QTMAN: variants seen among roughly 807,000 people sequenced by gnomAD.
The protein encoded by QTMAN is queuosine-tRNA mannosyltransferase.
the QTMAN span, among the ~76,000 whole-genome samples, chr2:144,133,450 AT>A: frequency 1.3e-4 from 8 of 63,160 alleles, no homozygotes; most frequent in Non-Finnish European, 1.8e-4. Context: ...ATAATATATA[AT>A]ATATAATATA....
chr2:144,099,941 CTG>C, the QTMAN span, among the ~76,000 whole-genome samples: 1 of 152,204 alleles, frequency 6.6e-6, no homozygotes, highest in African/African-American at 2.4e-5. Context: ...GACTCAGCTG[CTG>C]TTATTAGTCA....
the QTMAN span, among the ~76,000 whole-genome samples, chr2:144,010,086 A>T: frequency 1.3e-5 from 2 of 151,958 alleles, no homozygotes; most frequent in African/African-American, 2.4e-5. Context: ...AAAGAAAAAA[A>T]AAATCTATGG....
chr2:144,194,617 C>T, the QTMAN span, among the ~76,000 whole-genome samples: 4 of 152,156 alleles, frequency 2.6e-5, no homozygotes, highest in Admixed American at 2.6e-4. Flanking sequence ...AGAACAAATA[C>T]ATTAGTCGGT....
chr2:144,046,710 TGAGTA>T, the QTMAN span, among the ~76,000 whole-genome samples: 1 of 152,222 alleles, frequency 6.6e-6, no homozygotes, highest in Non-Finnish European at 1.5e-5. Context: ...AATTCCACAT[TGAGTA>T]GAGCAGTTTT....
the QTMAN span, among the ~76,000 whole-genome samples, chr2:144,300,983 T>C: frequency 1.3e-5 from 2 of 152,142 alleles, no homozygotes; most frequent in African/African-American, 4.8e-5. Flanking sequence ...TTCAATTATA[T>C]AGCATTTAAT....
the QTMAN span, chr2:143,941,676 CAAA>C: frequency 9.0e-5 from 9 of 100,404 alleles, no homozygotes; most frequent in East Asian, 3.0e-4. Context: ...CTCTCTCTCT[CAAA>C]AAAAAAAAAA....
the QTMAN span, among the ~76,000 whole-genome samples, chr2:144,045,326 A>T: frequency 6.6e-6 from 1 of 152,252 alleles, no homozygotes. Context: ...ACCTACATTT[A>T]ACCTTCGCAG....
At chr2:144,107,070 C>T in the QTMAN span, among the ~76,000 whole-genome samples, 1 of 152,114 alleles carries the variant, frequency 6.6e-6, no homozygotes, top group Non-Finnish European at 1.5e-5. Context: ...AGAACAAAGA[C>T]ACAACATACC....
At chr2:144,187,026 G>GA in the QTMAN span, among the ~76,000 whole-genome samples, 30 of 152,136 alleles carry the variant, frequency 2.0e-4, no homozygotes, top group Middle Eastern at 6.8e-3. Flanking sequence ...ATCTTAATAA[G>GA]AAAAAACAAA....
At chr2:144,074,837 G>A in the QTMAN span, among the ~76,000 whole-genome samples, 1 of 152,108 alleles carries the variant, frequency 6.6e-6, no homozygotes, top group Admixed American at 6.5e-5. Context: ...GATGAGCACA[G>A]AACCAGCCAT....
chr2:144,036,836 T>C, the QTMAN span, among the ~76,000 whole-genome samples: 3 of 152,188 alleles, frequency 2.0e-5, no homozygotes, highest in Non-Finnish European at 4.4e-5. Context: ...TCAAAGGTAG[T>C]ATGTTCAATA....
the QTMAN span, among the ~76,000 whole-genome samples, chr2:144,085,681 C>T: frequency 6.6e-6 from 1 of 152,132 alleles, no homozygotes; most frequent in African/African-American, 2.4e-5. Context: ...GGGATGTGAA[C>T]CAGGTACTGC....
chr2:144,129,139 A>G, the QTMAN span, among the ~76,000 whole-genome samples: 110 of 152,056 alleles, frequency 7.2e-4, 1 homozygote, highest in East Asian at 0.014. Context: ...GAAATATAGT[A>G]GCTTTGAATA....
At chr2:144,208,797 T>C in the QTMAN span, 1 of 1,542,848 alleles carries the variant, frequency 6.5e-7, no homozygotes, top group Non-Finnish European at 8.7e-7. Context: ...CATTCAAACC[T>C]TCAGATCCTA....
chr2:144,008,950 G>C, the QTMAN span, among the ~76,000 whole-genome samples: 1 of 151,928 alleles, frequency 6.6e-6, no homozygotes, highest in Admixed American at 6.6e-5. Context: ...GAGAGGCAGA[G>C]AAAAGGAGGT....
At chr2:144,255,162 T>C in the QTMAN span, among the ~76,000 whole-genome samples, 35 of 152,122 alleles carry the variant, frequency 2.3e-4, no homozygotes, top group African/African-American at 7.5e-4. Context: ...AATGTGAGGA[T>C]AGAAGATTTG....
the QTMAN span, among the ~76,000 whole-genome samples, chr2:144,053,801 C>T: frequency 6.6e-6 from 1 of 152,124 alleles, no homozygotes; most frequent in Non-Finnish European, 1.5e-5. Flanking sequence ...ATTCAGGAGC[C>T]TTAAGTCACC....
chr2:144,199,468 G>A, the QTMAN span, among the ~76,000 whole-genome samples: 1 of 152,124 alleles, frequency 6.6e-6, no homozygotes, highest in Non-Finnish European at 1.5e-5. Context: ...ATGTCCTGTA[G>A]AGAGAGATAG....
At chr2:143,996,889 G>C in the QTMAN span, among the ~76,000 whole-genome samples, 1 of 152,076 alleles carries the variant, frequency 6.6e-6, no homozygotes, top group Non-Finnish European at 1.5e-5. Context: ...AGTCTCTGGG[G>C]TCAATCAATT....
Sources: allele counts gnomAD v4.1 joint callset (sites outside exome capture counted in the v4.1 genomes callset), GRCh38; gene constraint gnomAD v4.1.1; transcripts MANE v1.5; gene names NCBI Gene and HGNC (gene_info 2026-07-23, HGNC 2026-07-21).